C12orf42: variants seen among roughly 807,000 people sequenced by gnomAD.
C12orf42 encodes the protein chromosome 12 open reading frame 42.
Under a neutral mutation model 21.6 loss-of-function variants are expected in C12orf42, and 25 were observed. The ratio of observed to expected loss-of-function variants is 1.16; its 90% CI spans 0.84 to 1.62. C12orf42 has a LOEUF of 1.62. Among genes scored for constraint, C12orf42 ranks in the 40% most tolerant of loss-of-function variants. C12orf42 has a pLI of 0.00. For missense variants in C12orf42, 483 were observed against 459.3 expected, an observed-to-expected ratio of 1.05 and a Z score of -0.47; for synonymous variants, 174 against 175.0, an observed-to-expected ratio of 0.99 and a Z score of 0.05.
At chr12:103,560,636 C>T in the C12orf42 span, among the ~76,000 whole-genome samples, 59 of 152,272 alleles carry the variant, frequency 3.9e-4, no homozygotes, top group African/African-American at 1.3e-3. Context: ...AGTGAAGAAA[C>T]AGCCACTATC....
At chr12:103,471,170 A>G (rs2137873263) in intron 2 of C12orf42, among the ~76,000 whole-genome samples, 1 of 152,290 alleles carries the variant, frequency 6.6e-6, no homozygotes, top group East Asian at 1.9e-4. Context: ...CATTCTTCCC[A>G]GAATCTCTGT....
At chr12:103,294,635 A>AGAAAGAAG (rs1491090489) in intron 4 of C12orf42, among the ~76,000 whole-genome samples, 3 of 145,890 alleles carry the variant, frequency 2.1e-5, no homozygotes, top group Admixed American at 7.2e-5. Context: ...AAAGAAAGAA[A>AGAAAGAAG]GAAGGAAAAG....
chr12:103,410,496 T>C (rs2048754012), intron 2 of C12orf42, among the ~76,000 whole-genome samples: 1 of 152,216 alleles, frequency 6.6e-6, no homozygotes. Context: ...AGTGGCTCCC[T>C]GGAGATGCTT....
intron 10 of C12orf42, among the ~76,000 whole-genome samples, chr12:103,238,348 G>A (rs936769871): frequency 6.6e-5 from 10 of 152,206 alleles, no homozygotes; most frequent in African/African-American, 2.2e-4. Flanking sequence ...TAGAGAAGGA[G>A]TCTTCTCTAG....
the C12orf42 span, among the ~76,000 whole-genome samples, chr12:103,507,701 G>A: frequency 3.3e-5 from 5 of 151,000 alleles, no homozygotes; most frequent in South Asian, 2.1e-4. Flanking sequence ...GGGTGGGGGC[G>A]GGTAATAAAG....
At chr12:103,362,294 GC>G (rs1200120172) in intron 4 of C12orf42, among the ~76,000 whole-genome samples, 1 of 152,086 alleles carries the variant, frequency 6.6e-6, no homozygotes, top group Non-Finnish European at 1.5e-5. Flanking sequence ...AAGCCACATT[GC>G]CAGGAAAAGG....
chr12:103,077,822 C>T, the C12orf42 span, among the ~76,000 whole-genome samples: 1 of 152,126 alleles, frequency 6.6e-6, no homozygotes, highest in African/African-American at 2.4e-5. Context: ...ACCATAATCC[C>T]CAAAGTCAGT....
chr12:103,295,174 T>C (rs992955086), intron 4 of C12orf42, among the ~76,000 whole-genome samples: 1 of 152,180 alleles, frequency 6.6e-6, no homozygotes, highest in Non-Finnish European at 1.5e-5. Context: ...AGTCTTCTCT[T>C]GACAACAACC....
chr12:103,395,711 A>C (rs1233609984), intron 3 of C12orf42, among the ~76,000 whole-genome samples: 1 of 152,136 alleles, frequency 6.6e-6, no homozygotes, highest in Non-Finnish European at 1.5e-5. Context: ...ATCTGATTAG[A>C]CATGAAAGGA....
chr12:103,133,916 T>C, the C12orf42 span, among the ~76,000 whole-genome samples: 20 of 152,210 alleles, frequency 1.3e-4, no homozygotes, highest in Non-Finnish European at 2.9e-5. Context: ...AAGAATAATG[T>C]GTTTGCTTCC....
At chr12:103,299,992 A>G (rs1298986998), downstream of C12orf42, among the ~76,000 whole-genome samples, 3 of 152,212 alleles carry the variant, frequency 2.0e-5, no homozygotes, top group East Asian at 1.9e-4. Flanking sequence ...TCCAAGGAAG[A>G]AAAGGGTCTC....
the C12orf42 span, among the ~76,000 whole-genome samples, chr12:103,077,315 T>C: frequency 1.3e-5 from 2 of 152,114 alleles, no homozygotes; most frequent in African/African-American, 4.8e-5. Context: ...TATTTAAAAA[T>C]TGGAGATTAT....
intron 2 of C12orf42, among the ~76,000 whole-genome samples, chr12:103,474,000 T>C (rs1163144122): frequency 6.6e-6 from 1 of 152,074 alleles, no homozygotes; most frequent in South Asian, 2.1e-4. Context: ...CACTGAGAGG[T>C]TTTTATTCCC....
chr12:103,167,955 A>G, the C12orf42 span: 1 of 427,316 alleles, frequency 2.3e-6, no homozygotes, highest in Admixed American at 2.5e-5. Context: ...ATGGTTAGAA[A>G]GAACAGTCTC....
the C12orf42 span, among the ~76,000 whole-genome samples, chr12:103,074,806 C>G: frequency 1.3e-5 from 2 of 152,110 alleles, no homozygotes; most frequent in African/African-American, 2.4e-5. Context: ...AACATTCACT[C>G]GGGACATAAT....
At chr12:103,471,047 G>A (rs908759449) in intron 2 of C12orf42, among the ~76,000 whole-genome samples, 1 of 152,170 alleles carries the variant, frequency 6.6e-6, no homozygotes, top group Non-Finnish European at 1.5e-5. Flanking sequence ...ATACTCCTGT[G>A]TTCTGGGGCA....
At chr12:103,093,937 CTT>C in the C12orf42 span, among the ~76,000 whole-genome samples, 5 of 152,148 alleles carry the variant, frequency 3.3e-5, no homozygotes, top group African/African-American at 9.7e-5. Flanking sequence ...CCACTCACCT[CTT>C]GAGTTGGAGA....
chr12:103,405,410 G>A (rs2048347896), intron 2 of C12orf42, among the ~76,000 whole-genome samples: 1 of 152,176 alleles, frequency 6.6e-6, no homozygotes, highest in Non-Finnish European at 1.5e-5. Context: ...TGTGTGTGGA[G>A]GGGCATGTTC....
intron 2 of C12orf42, among the ~76,000 whole-genome samples, chr12:103,475,742 G>T (rs1412473647): frequency 1.3e-5 from 2 of 152,154 alleles, no homozygotes; most frequent in African/African-American, 4.8e-5. Flanking sequence ...AAGAGTCCTT[G>T]GTTCAACACT....
Sources: gnomAD v4.1 joint callset for allele counts (sites outside exome capture counted in the v4.1 genomes callset) on GRCh38, gnomAD v4.1.1 for gene constraint, MANE v1.5 for transcripts, NCBI Gene and HGNC (gene_info 2026-07-23, HGNC 2026-07-21) for gene names.